ZDHHC20: variants seen among roughly 807,000 people sequenced by gnomAD.
The protein encoded by ZDHHC20 is palmitoyltransferase ZDHHC20.
Under a neutral mutation model 57.8 loss-of-function variants are expected in ZDHHC20, and 43 were observed. That is an observed-to-expected ratio of 0.74 (90% CI 0.58 to 0.96). The LOEUF is 0.96. Among genes scored for constraint, ZDHHC20 ranks in the 40% least tolerant of loss-of-function variants. ZDHHC20 has a pLI of 0.00. For synonymous variants in ZDHHC20, 157 were observed against 153.0 expected, an observed-to-expected ratio of 1.03 and a Z score of -0.19; for missense variants, 391 against 441.1, an observed-to-expected ratio of 0.89 and a Z score of 1.02.
At chr13:21,405,068 G>A (rs1878257126) in intron 4 of ZDHHC20, among the ~76,000 whole-genome samples, 1 of 152,090 alleles carries the variant, frequency 6.6e-6, no homozygotes, top group African/African-American at 2.4e-5. Context: ...AGAAAAGGTG[G>A]TAGCCTCTGA....
rs57328422 is a variant in ZDHHC20, at chr13:21,378,205, C to A, written c.*40+456G>T. On this transcript the variant is annotated intron_variant, in intron 12 of 12. Coordinates refer to ENST00000400590, the MANE Select transcript of ZDHHC20 (RefSeq NM_001330059.2). ...CTATACAGGTGTGCATCAACACAAA[C>A]CTGGCTAATTTTTTATTTTTTGTCG... Among the ~76,000 whole-genome samples the A allele has an allele frequency of 4.5e-3, 691 of 152,046 alleles. 9 individuals are homozygous for A. Among genetic ancestry groups the A allele is most frequent in the African/African-American group, 0.016 (653 of 41,486 alleles).
At chr13:21,383,049 G>T in intron 9 of ZDHHC20, 40 bp from the exon 10 acceptor site, 1 of 1,503,390 alleles carries the variant, frequency 6.7e-7, no homozygotes, top group Admixed American at 2.0e-5. Context: ...ATAATGTTAA[G>T]TTAAATCAAA....
At chr13:21,393,704 A>C (rs1422115731) in intron 7 of ZDHHC20, among the ~76,000 whole-genome samples, 1 of 83,930 alleles carries the variant, frequency 1.2e-5, no homozygotes, top group Non-Finnish European at 3.2e-5. Context: ...TCTCACAAAA[A>C]AAAAAAAAAA....
At chr13:21,385,428 C>CTAAA (rs917490478) in intron 9 of ZDHHC20, among the ~76,000 whole-genome samples, 4 of 152,018 alleles carry the variant, frequency 2.6e-5, no homozygotes, top group African/African-American at 9.7e-5. Context: ...GACTCTGTCT[C>CTAAA]TAAATAAATA....
At chr13:21,399,712 T>C (rs1877337751) in intron 7 of ZDHHC20, among the ~76,000 whole-genome samples, 1 of 152,132 alleles carries the variant, frequency 6.6e-6, no homozygotes, top group South Asian at 2.1e-4. Context: ...AGATAAAACA[T>C]ATACAAATAT....
rs370471461 is a variant in ZDHHC20, at chr13:21,375,341, T to TG, written c.*1354dup. On this transcript the variant is annotated 3_prime_UTR_variant, in exon 13 of 13. Coordinates refer to ENST00000400590, the MANE Select transcript of ZDHHC20 (RefSeq NM_001330059.2). ...ACTCACTGGAAGCAATCAATTATTT[T>TG]GGGGGGGGTGTGTGTGTGTGTGTGT... 1.7e-3 allele frequency: 604 copies of TG among 364,540 alleles called. 2 individuals are homozygous for TG. Among genetic ancestry groups the TG allele is most frequent in the African/African-American group, 8.9e-3 (412 of 46,536 alleles). The allele number at this position is 364,540 out of a possible 1,614,324, so 22.6% of individuals were successfully genotyped here.
chr13:21,451,720 T>C (rs1884455862), intron 1 of ZDHHC20, among the ~76,000 whole-genome samples: 1 of 152,094 alleles, frequency 6.6e-6, no homozygotes, highest in Admixed American at 6.6e-5. Context: ...CCGGGCACGG[T>C]GGCTCAAACC....
At position 21,417,825 on chromosome 13, in the gene ZDHHC20, T is replaced by C. The variant is rs190437259; in HGVS notation, c.249+3236A>G. Among the ~76,000 whole-genome samples the C allele has an allele frequency of 1.9e-3, 295 of 152,292 alleles. 2 individuals are homozygous for C. Among genetic ancestry groups the C allele is most frequent in the African/African-American group, 6.5e-3 (272 of 41,562 alleles). ...AACCTCTGAGCTGACTGAATCCTCC[T>C]AATAAAAGCTGTGAGTTTGGTGTTA... On this transcript the variant is annotated intron_variant, in intron 3 of 12. Coordinates refer to ENST00000400590, the MANE Select transcript of ZDHHC20 (RefSeq NM_001330059.2).
intron 1 of ZDHHC20, among the ~76,000 whole-genome samples, chr13:21,458,242 GCTACT>G (rs367719012): frequency 3.9e-5 from 6 of 152,280 alleles, no homozygotes; most frequent in Non-Finnish European, 7.3e-5. Context: ...ATACTGCAAT[GCTACT>G]CCTTTTTTCC....
intron 7 of ZDHHC20, among the ~76,000 whole-genome samples, chr13:21,397,156 A>C (rs1876920136): frequency 6.6e-6 from 1 of 151,998 alleles, no homozygotes; most frequent in African/African-American, 2.4e-5. Context: ...GCATTTTGGG[A>C]GACCGAGGCG....
rs1158268159 is a variant in ZDHHC20, at chr13:21,421,094, T to C, written c.216A>G (p.Thr72=). The part of the protein sequence containing the change: ...FVMFVWSYWM[T]IFTSPASPSK... ...AGGGGGAAGCGGGAGATGTGAAAAT[T>C]GTCATCCAATAGGACCATACAAACA... Residue 72 remains threonine, a synonymous_variant, in exon 3 of 13, where the codon ACA becomes ACG. Transcript: ENST00000400590. The C allele has an allele frequency of 6.2e-7, 1 of 1,613,164 alleles. No individual in the cohort carries two copies. Among genetic ancestry groups the C allele is most frequent in the East Asian group, 2.2e-5 (1 of 44,824 alleles).
chr13:21,414,353 T>C (rs150054041), intron 3 of ZDHHC20, among the ~76,000 whole-genome samples: 669 of 151,404 alleles, frequency 4.4e-3, no homozygotes, highest in African/African-American at 0.015. Context: ...GAGTCCTTTA[T>C]AGACCTTTTT....
In ZDHHC20 at chr13:21,375,115, C is replaced by CA; in HGVS notation, c.*1580dup. The CA allele has an allele frequency of 2.2e-6, 1 of 455,878 alleles. No individual in the cohort carries two copies. The highest frequency in any genetic ancestry group is 1.5e-5 in the South Asian group (1 of 64,548). The allele number at this position is 455,878 out of a possible 1,614,324, so 28.2% of individuals were successfully genotyped here. A position where few individuals can be genotyped will look rare whatever the true frequency, so the allele number is the denominator to read the frequency against. ...CGCCACTGCACTCCTGCCTGGGAGACAGAGCAAAACTCTGTGGAAAAAAGA... is the reference window on the plus strand; with the variant it reads ...CGCCACTGCACTCCTGCCTGGGAGACAAGAGCAAAACTCTGTGGAAAAAAGA... On this transcript the variant is annotated 3_prime_UTR_variant, in exon 13 of 13. Coordinates refer to ENST00000400590, the MANE Select transcript of ZDHHC20 (RefSeq NM_001330059.2).
rs373023389 is a variant in ZDHHC20 at position 21,398,459 on chromosome 13, G to A, written c.594+1914C>T. Among the ~76,000 whole-genome samples, 688 of 143,176 alleles carry A rather than the reference G, an allele frequency of 4.8e-3. 10 individuals carry two copies. Among genetic ancestry groups the A allele is most frequent in the African/African-American group, 0.018 (656 of 35,944 alleles). 93.9% of individuals were successfully genotyped at this position (143,176 alleles called of 152,430 possible). A position where few individuals can be genotyped will look rare whatever the true frequency, so the allele number is the denominator to read the frequency against. The stretch of plus-strand genomic sequence containing the variant: ...AGCCTGGGCAACAGAGCGAGACTCC[G>A]TCTCAAAAAAAAAAAAAAGGAAAGA... On this transcript the variant is annotated intron_variant, in intron 7 of 12. Transcript: ENST00000400590.
At chr13:21,388,977 T>C (rs957141123) in intron 8 of ZDHHC20, among the ~76,000 whole-genome samples, 1 of 151,748 alleles carries the variant, frequency 6.6e-6, no homozygotes, top group African/African-American at 2.4e-5. Flanking sequence ...TAGGAGAAAA[T>C]TGTTGGAGAA....
intron 8 of ZDHHC20, among the ~76,000 whole-genome samples, chr13:21,389,624 G>A (rs1268912378): frequency 6.6e-6 from 1 of 152,120 alleles, no homozygotes; most frequent in Non-Finnish European, 1.5e-5. Context: ...CCCTAGAAAT[G>A]CCAATCTCTC....
intron 3 of ZDHHC20, among the ~76,000 whole-genome samples, chr13:21,414,571 C>T (rs1044840193): frequency 2.3e-5 from 3 of 132,876 alleles, no homozygotes; most frequent in African/African-American, 8.0e-5. Context: ...CGAGGTTTCA[C>T]CGTGTTAGCC....
At chr13:21,380,964 A>G (rs1033720575) in intron 11 of ZDHHC20, among the ~76,000 whole-genome samples, 2 of 151,848 alleles carry the variant, frequency 1.3e-5, no homozygotes, top group African/African-American at 4.8e-5. Flanking sequence ...AGCTACTAAG[A>G]AACACAAACA....
intron 1 of ZDHHC20, among the ~76,000 whole-genome samples, chr13:21,451,729 C>T (rs9509729): frequency 0.089 from 13,522 of 152,118 alleles, 658 homozygotes; most frequent in Non-Finnish European, 0.1. Context: ...GTGGCTCAAA[C>T]CTGAAACCCC....
Sources: allele counts gnomAD v4.1 joint callset (sites outside exome capture counted in the v4.1 genomes callset), GRCh38; gene constraint gnomAD v4.1.1; transcripts MANE v1.5; gene names NCBI Gene and HGNC (gene_info 2026-07-23, HGNC 2026-07-21).